The following SORCS2 variants were observed in gnomAD, a reference collection of about 807,000 sequenced individuals.
SORCS2 encodes VPS10 domain-containing receptor SorCS2.
In SORCS2, 100 loss-of-function variants were observed where a neutral mutation model predicts 141.6. That is an observed-to-expected ratio of 0.71 (90% CI 0.60 to 0.83). The LOEUF is 0.83. Ranked by LOEUF, SORCS2 falls within the 40% of genes least tolerant of loss-of-function variation. SORCS2 has a pLI of 0.00. For missense variants in SORCS2, 1,646 were observed against 1,560.2 expected (o/e 1.05, Z -0.93); for synonymous variants, 789 against 676.9 (o/e 1.17, Z -2.57).
At chr4:7,373,485 T>TG (rs1560228569) in intron 1 of SORCS2, among the ~76,000 whole-genome samples, 21 of 33,962 alleles carry the variant, frequency 6.2e-4, no homozygotes, top group African/African-American at 1.4e-3. Context: ...TATATTTTTT[T>TG]TTTTTTTTTT....
At chr4:7,306,285 G>A (rs1277840575) in intron 1 of SORCS2, among the ~76,000 whole-genome samples, 3 of 152,154 alleles carry the variant, frequency 2.0e-5, no homozygotes, top group Non-Finnish European at 4.4e-5. Flanking sequence ...GTGGGCTCCG[G>A]GGTAGGCTTG....
intron 18 of SORCS2, among the ~76,000 whole-genome samples, chr4:7,718,947 G>T (rs530345161): frequency 1.5e-4 from 23 of 152,332 alleles, no homozygotes; most frequent in South Asian, 2.1e-4. Flanking sequence ...AATGCTCATT[G>T]TAGCAAATTC....
At chr4:7,638,798 C>T (rs1720441757) in intron 4 of SORCS2, among the ~76,000 whole-genome samples, 1 of 152,238 alleles carries the variant, frequency 6.6e-6, no homozygotes, top group Non-Finnish European at 1.5e-5. Context: ...ATGCCACTCG[C>T]CATCCCTTTC....
chr4:7,652,966 T>A (rs986729076), intron 4 of SORCS2, among the ~76,000 whole-genome samples: 1 of 152,054 alleles, frequency 6.6e-6, no homozygotes, highest in Non-Finnish European at 1.5e-5. Flanking sequence ...CCATTTAACA[T>A]TGTGCTCCCT....
chr4:7,713,225 G>A (rs1725945740), intron 15 of SORCS2, among the ~76,000 whole-genome samples: 1 of 152,134 alleles, frequency 6.6e-6, no homozygotes, highest in Non-Finnish European at 1.5e-5. Context: ...TGGGGTCTGG[G>A]GCAAGCCCAC....
chr4:7,554,168 T>C (rs1227128622), intron 3 of SORCS2, among the ~76,000 whole-genome samples: 3 of 152,178 alleles, frequency 2.0e-5, no homozygotes, highest in African/African-American at 7.2e-5. Flanking sequence ...GCACTACATA[T>C]CATGGGGAGG....
intron 3 of SORCS2, among the ~76,000 whole-genome samples, chr4:7,567,772 C>T (rs931422165): frequency 3.9e-5 from 6 of 152,140 alleles, no homozygotes; most frequent in African/African-American, 1.4e-4. Context: ...ATTTGGAATT[C>T]CTCTGCATGG....
At chr4:7,401,745 T>A (rs1051201360) in intron 2 of SORCS2, among the ~76,000 whole-genome samples, 3 of 152,084 alleles carry the variant, frequency 2.0e-5, no homozygotes, top group African/African-American at 7.2e-5. Context: ...ACCCTACCAC[T>A]TCCTGGGTGC....
intron 1 of SORCS2, among the ~76,000 whole-genome samples, chr4:7,381,348 C>G (rs987924767): frequency 4.6e-5 from 7 of 152,192 alleles, no homozygotes; most frequent in Non-Finnish European, 8.8e-5. Flanking sequence ...GAGGGCGGAG[C>G]ACAGAGCTGG....
At chr4:7,470,253 C>A (rs1353679015) in intron 2 of SORCS2, among the ~76,000 whole-genome samples, 2 of 151,528 alleles carry the variant, frequency 1.3e-5, no homozygotes, top group African/African-American at 4.9e-5. Flanking sequence ...ATCCTCCCAT[C>A]CTCCCATCCT....
intron 1 of SORCS2, among the ~76,000 whole-genome samples, chr4:7,215,143 G>A (rs932466117): frequency 1.3e-5 from 2 of 152,148 alleles, no homozygotes; most frequent in African/African-American, 2.4e-5. Flanking sequence ...AGGCGCGAGC[G>A]GGAACCGGGG....
intron 4 of SORCS2, among the ~76,000 whole-genome samples, chr4:7,653,666 G>T (rs542246020): frequency 6.6e-6 from 1 of 152,302 alleles, no homozygotes; most frequent in African/African-American, 2.4e-5. Context: ...GGCTGGCCCT[G>T]GTGTCAGGCC....
At chr4:7,621,549 G>A (rs534405167) in intron 3 of SORCS2, among the ~76,000 whole-genome samples, 3 of 151,930 alleles carry the variant, frequency 2.0e-5, no homozygotes, top group Non-Finnish European at 4.4e-5. Flanking sequence ...ATGTGTGTGT[G>A]TGTGTTTGTG....
intron 1 of SORCS2, among the ~76,000 whole-genome samples, chr4:7,364,543 T>C (rs1217862796): frequency 6.6e-6 from 1 of 152,070 alleles, no homozygotes; most frequent in Non-Finnish European, 1.5e-5. Context: ...CTGGGCAGTC[T>C]CCTCCTTCCT....
chr4:7,234,212 G>A (rs560726398), intron 1 of SORCS2, among the ~76,000 whole-genome samples: 4 of 152,194 alleles, frequency 2.6e-5, no homozygotes, highest in African/African-American at 4.8e-5. Flanking sequence ...CCTTGATTTC[G>A]AGATGTGCTG....
At chr4:7,226,818 C>T (rs1729017352) in intron 1 of SORCS2, among the ~76,000 whole-genome samples, 2 of 152,096 alleles carry the variant, frequency 1.3e-5, no homozygotes, top group Admixed American at 1.3e-4. Context: ...TCTTCAAGCA[C>T]CGCCGGGAAG....
intron 2 of SORCS2, among the ~76,000 whole-genome samples, chr4:7,446,406 A>G (rs1220762283): frequency 1.3e-5 from 2 of 152,160 alleles, no homozygotes; most frequent in Admixed American, 1.3e-4. Context: ...TGGGGCTTCA[A>G]TATATGAATT....
Position 7,591,994 on chromosome 4 carries a change from GA to G in SORCS2, c.649-46324del, listed in dbSNP as rs369253447. ...GAAAATCCCAGCAGGTTGCAGATGA[GA>G]AAAAAAAAATCCCCCTTTAAATTGG... is the stretch of plus-strand genomic sequence containing the variant. On this transcript the variant is annotated intron_variant, in intron 3 of 26. Coordinates refer to ENST00000507866, the MANE Select transcript of SORCS2 (RefSeq NM_020777.3). Among the ~76,000 whole-genome samples the G allele has an allele frequency of 5.1e-3, 768 of 150,482 alleles. 10 individuals carry two copies. Among genetic ancestry groups the G allele is most frequent in the African/African-American group, 0.017 (680 of 41,056 alleles).
chr4:7,219,829 G>A (rs1418364198), intron 1 of SORCS2, among the ~76,000 whole-genome samples: 3 of 68,906 alleles, frequency 4.4e-5, no homozygotes, highest in African/African-American at 2.0e-4. Flanking sequence ...TGGCCCGCAG[G>A]GCAGGAGGAC....
Sources: allele counts gnomAD v4.1 joint callset (sites outside exome capture counted in the v4.1 genomes callset), GRCh38; gene constraint gnomAD v4.1.1; transcripts MANE v1.5; gene names NCBI Gene and HGNC (gene_info 2026-07-23, HGNC 2026-07-21).